The following CLXN variants were observed in gnomAD, a reference collection of about 807,000 sequenced individuals.
CLXN encodes the protein calaxin.
the CLXN span, among the ~76,000 whole-genome samples, chr8:48,718,420 C>A: frequency 3.3e-5 from 5 of 151,980 alleles, no homozygotes; most frequent in Non-Finnish European, 7.4e-5. Flanking sequence ...AATATCCAGA[C>A]AGAAAATCAG....
chr8:48,722,401 A>G, the CLXN span, among the ~76,000 whole-genome samples: 1 of 152,242 alleles, frequency 6.6e-6, no homozygotes, highest in Non-Finnish European at 1.5e-5. Flanking sequence ...TGGGACTACC[A>G]TTTGATCCAG....
the CLXN span, chr8:48,731,445 T>C: frequency 6.2e-7 from 1 of 1,613,638 alleles, no homozygotes; most frequent in East Asian, 2.2e-5. Context: ...CTTGCCTCTC[T>C]ACTCCTCCCA....
the CLXN span, among the ~76,000 whole-genome samples, chr8:48,726,649 TCCACCCACC>T: frequency 2.8e-5 from 2 of 72,222 alleles, no homozygotes; most frequent in African/African-American, 1.1e-4. Flanking sequence ...ACCTCACCCA[TCCACCCACC>T]TCATCCATCC....
At chr8:48,719,958 C>A in the CLXN span, among the ~76,000 whole-genome samples, 1 of 152,156 alleles carries the variant, frequency 6.6e-6, no homozygotes, top group Admixed American at 6.5e-5. Context: ...AAGTCAGGGA[C>A]CCCGAATGGA....
At chr8:48,716,011 C>T in the CLXN span, 1 of 152,450 alleles carries the variant, frequency 6.6e-6, no homozygotes, top group Admixed American at 6.5e-5. Context: ...GGACCAGGCA[C>T]TGTGGAGCAG....
At chr8:48,726,113 T>C in the CLXN span, among the ~76,000 whole-genome samples, 1 of 26,008 alleles carries the variant, frequency 3.8e-5, no homozygotes, top group Non-Finnish European at 1.3e-4. Context: ...ACCCACCCAC[T>C]CCATCCATCC....
chr8:48,734,858 TG>T, the CLXN span, among the ~76,000 whole-genome samples: 41 of 152,092 alleles, frequency 2.7e-4, no homozygotes, highest in Non-Finnish European at 4.4e-5. Context: ...AATGCATGTG[TG>T]GGAGTGTAGG....
the CLXN span, among the ~76,000 whole-genome samples, chr8:48,721,327 G>A: frequency 6.6e-6 from 1 of 151,820 alleles, no homozygotes; most frequent in Non-Finnish European, 1.5e-5. Flanking sequence ...CCAATAAAAG[G>A]GCATCTCATA....
chr8:48,731,912 T>C, the CLXN span, among the ~76,000 whole-genome samples: 1 of 152,156 alleles, frequency 6.6e-6, no homozygotes, highest in Non-Finnish European at 1.5e-5. Context: ...GTCAGATTCA[T>C]GAGAATTAGG....
the CLXN span, chr8:48,729,621 C>A: frequency 8.8e-7 from 1 of 1,141,666 alleles, no homozygotes. Context: ...TTTATTTAAG[C>A]AAGCAGAGAA....
chr8:48,732,107 T>C, the CLXN span, among the ~76,000 whole-genome samples: 1 of 152,158 alleles, frequency 6.6e-6, no homozygotes, highest in Non-Finnish European at 1.5e-5. Context: ...GAAATTTTTA[T>C]TTAAAGGATA....
the CLXN span, among the ~76,000 whole-genome samples, chr8:48,718,986 G>A: frequency 4.6e-5 from 7 of 150,556 alleles, no homozygotes; most frequent in Non-Finnish European, 8.9e-5. Context: ...GAACAGAAAA[G>A]AATTAACAAA....
At chr8:48,729,927 C>A in the CLXN span, 3 of 1,521,784 alleles carry the variant, frequency 2.0e-6, no homozygotes, top group East Asian at 4.8e-5. Context: ...GTAATATTTT[C>A]TCTGATAAAC....
chr8:48,710,852 T>G, the CLXN span: 2 of 152,190 alleles, frequency 1.3e-5, no homozygotes, highest in Non-Finnish European at 2.9e-5. Flanking sequence ...AGGGTGACAA[T>G]ACATCCTGCT....
the CLXN span, chr8:48,729,128 T>G: frequency 1.2e-6 from 2 of 1,613,232 alleles, no homozygotes; most frequent in Non-Finnish European, 1.7e-6. Flanking sequence ...AAAGACAGCT[T>G]CCCATCATGG....
At chr8:48,726,921 T>G in the CLXN span, among the ~76,000 whole-genome samples, 5 of 121,410 alleles carry the variant, frequency 4.1e-5, no homozygotes, top group African/African-American at 1.6e-4. Flanking sequence ...ACCCATCCAT[T>G]CACCCACCCA....
chr8:48,723,876 G>C, the CLXN span: 1 of 152,668 alleles, frequency 6.6e-6, no homozygotes, highest in Non-Finnish European at 1.5e-5. Flanking sequence ...CTGGGTGCCA[G>C]GACAGAGGGG....
chr8:48,715,873 C>T, the CLXN span: 6 of 152,262 alleles, frequency 3.9e-5, no homozygotes, highest in African/African-American at 1.4e-4. Flanking sequence ...ACTGATTTTC[C>T]AGTAACCAAC....
chr8:48,729,010 T>C, the CLXN span: 1 of 1,533,950 alleles, frequency 6.5e-7, no homozygotes, highest in Non-Finnish European at 8.9e-7. Flanking sequence ...CATTCTACTT[T>C]GATTACCGTT....
Sources: allele counts gnomAD v4.1 joint callset (sites outside exome capture counted in the v4.1 genomes callset), GRCh38; gene constraint gnomAD v4.1.1; transcripts MANE v1.5; gene names NCBI Gene and HGNC (gene_info 2026-07-23, HGNC 2026-07-21).